Variants in PKHD1 observed in about 807,000 individuals in gnomAD.
The protein encoded by PKHD1 is fibrocystin.
PKHD1 carries 291 observed loss-of-function variants against 412.0 expected under a neutral mutation model. The observed-to-expected ratio is 0.71, with a 90% CI of 0.64 to 0.78. The LOEUF is 0.78. PKHD1 is among the 30% of genes least tolerant of loss of function. The probability of loss-of-function intolerance (pLI) is 0.00; values close to 1 mark genes in which losing one functional copy is unlikely to be tolerated. For missense variants in PKHD1, 4,825 were observed against 4,950.7 expected (o/e 0.97, Z 0.76); for synonymous variants, 1,777 against 1,821.5 (o/e 0.98, Z 0.62).
chr6:51,987,736 T>C (rs1318890214), intron 35 of PKHD1, among the ~76,000 whole-genome samples: 3 of 152,000 alleles, frequency 2.0e-5, no homozygotes, highest in Non-Finnish European at 4.4e-5. Flanking sequence ...TAAGACCTTT[T>C]TTTTTTTTTT....
intron 29 of PKHD1, among the ~76,000 whole-genome samples, chr6:52,032,195 G>C (rs1803157785): frequency 6.6e-5 from 10 of 152,152 alleles, no homozygotes. Context: ...AATGAAAATA[G>C]TGCCAGAAAA....
At chr6:52,047,320 C>A (rs533476298) in intron 23 of PKHD1, among the ~76,000 whole-genome samples, 1 of 152,160 alleles carries the variant, frequency 6.6e-6, no homozygotes, top group East Asian at 1.9e-4. Context: ...TCCTGAGTCA[C>A]CCTATTATAA....
intron 60 of PKHD1, among the ~76,000 whole-genome samples, chr6:51,664,754 A>G (rs906032524): frequency 6.6e-6 from 1 of 152,136 alleles, no homozygotes; most frequent in African/African-American, 2.4e-5. Flanking sequence ...CAAAGGAACT[A>G]GTGCAGTGCC....
At chr6:51,919,463 G>T (rs1380533940) in intron 37 of PKHD1, among the ~76,000 whole-genome samples, 1 of 152,006 alleles carries the variant, frequency 6.6e-6, no homozygotes, top group South Asian at 2.1e-4. Context: ...ATTTCTGAGG[G>T]CTCTGTTCTG....
rs542643079 is a variant in PKHD1, at chr6:51,651,217, A to T, written c.11175-1997T>A. Among the ~76,000 whole-genome samples, 43 of 152,318 alleles carry T rather than the reference A, an allele frequency of 2.8e-4. No homozygotes were observed. In the South Asian group the frequency reaches 4.1e-3, roughly 15 times the overall value. On this transcript the variant is annotated intron_variant, in intron 61 of 66. Transcript: ENST00000371117. The stretch of plus-strand genomic sequence containing the variant: ...TGTAAACAGCATCTCACTGGAGGTC[A>T]CAGACTTGCTGCTGCAGCATATCCC...
chr6:52,014,730 A>C (rs908792369), intron 34 of PKHD1, among the ~76,000 whole-genome samples: 1 of 147,182 alleles, frequency 6.8e-6, no homozygotes, highest in Admixed American at 6.7e-5. Context: ...GGATGGATGG[A>C]TGGATGGATG....
At chr6:51,720,571 G>T (rs1005642968) in intron 60 of PKHD1, among the ~76,000 whole-genome samples, 1 of 152,086 alleles carries the variant, frequency 6.6e-6, no homozygotes, top group East Asian at 1.9e-4. Flanking sequence ...CAGTTTAAAC[G>T]CACTTCCAAG....
intron 35 of PKHD1, among the ~76,000 whole-genome samples, chr6:51,982,880 T>TAA (rs777201105): frequency 7.4e-6 from 1 of 135,944 alleles, no homozygotes; most frequent in Non-Finnish European, 1.6e-5. Flanking sequence ...TAAAATAAAA[T>TAA]AAAATAAAAT....
chr6:52,083,277 C>A lies in PKHD1; in HGVS notation c.53-22G>T, dbSNP rs754161069. 11 of 1,519,666 alleles carry A rather than the reference C, an allele frequency of 7.2e-6. No homozygotes were observed. In the Admixed American group the frequency reaches 1.8e-4, roughly 25 times the overall value. The allele number at this position is 1,519,666 out of a possible 1,614,324, so 94.1% of individuals were successfully genotyped here. ...CGTACTGTAAGTAAGTGAAAAAAAACATTGGTTTTGAAGGTCAGATTCAAA... is the reference window on the plus strand; with the variant it reads ...CGTACTGTAAGTAAGTGAAAAAAAAAATTGGTTTTGAAGGTCAGATTCAAA... On this transcript the variant is annotated intron_variant, in intron 2 of 66. Transcript: ENST00000371117.
At chr6:51,741,020 C>T (rs1421260545) in intron 60 of PKHD1, 2 of 500,410 alleles carry the variant, frequency 4.0e-6, no homozygotes, top group African/African-American at 3.9e-5. Context: ...TGCTTGTCCA[C>T]ACACTGATAG....
chr6:51,768,847 T>TA (rs1172339042), intron 55 of PKHD1, among the ~76,000 whole-genome samples: 6 of 151,700 alleles, frequency 4.0e-5, no homozygotes, highest in Admixed American at 6.6e-5. Context: ...CTAATGGTTA[T>TA]ACCATCCAAA....
intron 43 of PKHD1, among the ~76,000 whole-genome samples, chr6:51,896,458 C>T (rs1780031116): frequency 6.6e-6 from 1 of 152,132 alleles, no homozygotes; most frequent in South Asian, 2.1e-4. Flanking sequence ...AGGGTCCTGT[C>T]TGTTAAAAGG....
Position 52,025,267 on chromosome 6 carries a change from C to A in PKHD1, c.4543G>T (p.Glu1515Ter), listed in dbSNP as rs1433540169. The A allele has an allele frequency of 1.2e-6, 2 of 1,614,078 alleles. No homozygotes were observed. Among genetic ancestry groups the A allele is most frequent in the Non-Finnish European group, 1.7e-6 (2 of 1,180,004 alleles). ...RGQRLATTAD[E>*]PMVFVDDQLP... ...TGATCATCCACAAATACCATCGGCT[C>A]ATCAGCTGTGGTGGCTAACCTCTGA... is the stretch of plus-strand genomic sequence containing the variant. The change falls in exon 32 of 67, where the codon GAG becomes TAG. Residue 1515 changes from glutamate to a stop codon, truncating the protein, a stop_gained. Transcript: ENST00000371117. LOFTEE classifies it high-confidence loss of function.
Position 51,887,206 on chromosome 6 carries a change from G to A in PKHD1, c.7036C>T (p.His2346Tyr). Residue 2346 changes from histidine to tyrosine, a missense_variant, in exon 44 of 67, where the codon CAT (histidine) becomes TAT (tyrosine). Physicochemically the swap from His to Tyr is moderately conservative, Grantham distance 83. Transcript: ENST00000371117. ...TGTGATGTTTGGTTGGTCATGAGAT[G>A]GAAAAAGTAGCCATAGCCAGCACCA... ...VCGAGYGYFF[H>Y]LMTNQTSQAP... 1.2e-6 allele frequency: 2 copies of A among 1,613,220 alleles called. No homozygotes were observed. The highest frequency in any genetic ancestry group is 1.3e-5 in the African/African-American group (1 of 75,024).
intron 43 of PKHD1, among the ~76,000 whole-genome samples, chr6:51,900,417 G>C (rs1781041350): frequency 6.6e-6 from 1 of 152,118 alleles, no homozygotes; most frequent in African/African-American, 2.4e-5. Flanking sequence ...ACAAGCAATG[G>C]GGAAAGGATT....
intron 64 of PKHD1, among the ~76,000 whole-genome samples, chr6:51,633,161 C>A (rs1341331506): frequency 6.6e-6 from 1 of 152,154 alleles, no homozygotes; most frequent in African/African-American, 2.4e-5. Context: ...GGGACTCCTG[C>A]TGCAGCACCA....
chr6:51,911,823 A>T lies in PKHD1; in HGVS notation c.6466T>A (p.Cys2156Ser). 6.2e-7 allele frequency: 1 copy of T among 1,613,152 alleles called. No homozygotes were observed. ...CCTTCTGGAGCATTGGCCTCCTGGC[A>T]TGAAACAAGCAGCTTCTCCCTCTCA... is the stretch of plus-strand genomic sequence containing the variant. The part of the protein sequence containing the change: ...TNEREKLLVS[C>S]QEANAPEGNL... The change falls in exon 39 of 67, where the codon TGC (cysteine) becomes AGC (serine). Residue 2156 changes from cysteine to serine, a missense_variant. Physicochemically the swap from Cys to Ser is moderately radical, Grantham distance 112. Transcript: ENST00000371117.
At chr6:51,759,321 A>C (rs1787588384) in intron 55 of PKHD1, among the ~76,000 whole-genome samples, 1 of 152,132 alleles carries the variant, frequency 6.6e-6, no homozygotes, top group African/African-American at 2.4e-5. Flanking sequence ...CCCATCCACT[A>C]TACTGAAATC....
At chr6:51,716,752 G>C (rs1480108557) in intron 60 of PKHD1, among the ~76,000 whole-genome samples, 1 of 152,010 alleles carries the variant, frequency 6.6e-6, no homozygotes, top group Non-Finnish European at 1.5e-5. Context: ...CTGATATATA[G>C]ACATCAGGAG....
Sources: gnomAD v4.1 joint callset for allele counts (sites outside exome capture counted in the v4.1 genomes callset) on GRCh38, gnomAD v4.1.1 for gene constraint, MANE v1.5 for transcripts, NCBI Gene and HGNC (gene_info 2026-07-23, HGNC 2026-07-21) for gene names.